The following CNTN4 variants were observed in gnomAD, a reference collection of about 807,000 sequenced individuals.
CNTN4 encodes the protein contactin 4, also known as contactin-4.
CNTN4 carries 77 observed loss-of-function variants against 122.5 expected under a neutral mutation model. The observed-to-expected ratio is 0.63, with a 90% CI of 0.52 to 0.76. CNTN4 has a LOEUF of 0.76. Ranked by LOEUF, CNTN4 falls within the 30% of genes least tolerant of loss-of-function variation. The probability of loss-of-function intolerance (pLI) is 0.00; values close to 1 mark genes in which losing one functional copy is unlikely to be tolerated. For synonymous variants in CNTN4, 512 were observed against 447.0 expected (o/e 1.15, Z -1.83); for missense variants, 1,256 against 1,259.1 (o/e 1.00, Z 0.04).
At chr3:2,873,731 G>A (rs1359461819) in intron 8 of CNTN4, among the ~76,000 whole-genome samples, 6 of 152,196 alleles carry the variant, frequency 3.9e-5, no homozygotes, top group African/African-American at 9.7e-5. Flanking sequence ...AATTAACCTA[G>A]TGGGTTTTTG....
intron 3 of CNTN4, among the ~76,000 whole-genome samples, chr3:2,483,467 A>G (rs2151603316): frequency 6.6e-6 from 1 of 152,250 alleles, no homozygotes; most frequent in East Asian, 1.9e-4. Context: ...GCTATTGGAA[A>G]GGTATGATTG....
chr3:2,878,449 T>C (rs2093870187), intron 8 of CNTN4, among the ~76,000 whole-genome samples: 1 of 152,160 alleles, frequency 6.6e-6, no homozygotes, highest in East Asian at 1.9e-4. Context: ...TCACATTTTT[T>C]CCCATATTAC....
intron 2 of CNTN4, among the ~76,000 whole-genome samples, chr3:2,175,845 G>C (rs2036725368): frequency 6.6e-6 from 1 of 152,112 alleles, no homozygotes; most frequent in South Asian, 2.1e-4. Context: ...CAGAGAGAGG[G>C]CAATGATATT....
chr3:2,610,131 A>G (rs1407056833), intron 4 of CNTN4, among the ~76,000 whole-genome samples: 4 of 152,136 alleles, frequency 2.6e-5, no homozygotes, highest in African/African-American at 7.2e-5. Context: ...CTCATTCCAT[A>G]TTGTCTATCA....
intron 4 of CNTN4, among the ~76,000 whole-genome samples, chr3:2,624,821 A>T (rs185867622): frequency 6.6e-6 from 1 of 151,444 alleles, no homozygotes; most frequent in Non-Finnish European, 1.5e-5. Flanking sequence ...TTTAGTAGAG[A>T]CAGGATTTCA....
At chr3:2,299,978 C>T (rs1035735311) in intron 2 of CNTN4, among the ~76,000 whole-genome samples, 7 of 152,056 alleles carry the variant, frequency 4.6e-5, no homozygotes, top group African/African-American at 1.7e-4. Context: ...ATTTAGCGTT[C>T]CACTAATGAC....
At chr3:3,041,789 CAA>C (rs1700186585) in intron 20 of CNTN4, among the ~76,000 whole-genome samples, 1 of 151,994 alleles carries the variant, frequency 6.6e-6, no homozygotes, top group African/African-American at 2.4e-5. Context: ...TAGCAAGATC[CAA>C]GTCTTTACAA....
At chr3:2,868,107 C>T (rs191005113) in intron 8 of CNTN4, among the ~76,000 whole-genome samples, 5 of 152,196 alleles carry the variant, frequency 3.3e-5, no homozygotes, top group Admixed American at 3.3e-4. Flanking sequence ...ATGACGAGAC[C>T]CATCACACAA....
intron 2 of CNTN4, among the ~76,000 whole-genome samples, chr3:2,123,416 A>T (rs927695856): frequency 1.3e-5 from 2 of 152,164 alleles, no homozygotes; most frequent in Admixed American, 6.5e-5. Flanking sequence ...TTTTTTATGC[A>T]TTAAACAGGT....
At chr3:2,533,446 C>G (rs1339744833) in intron 3 of CNTN4, among the ~76,000 whole-genome samples, 1 of 152,112 alleles carries the variant, frequency 6.6e-6, no homozygotes, top group Non-Finnish European at 1.5e-5. Context: ...ATCCATGTCC[C>G]TACAAAGGAC....
chr3:2,574,962 G>T (rs1265249597), intron 4 of CNTN4, among the ~76,000 whole-genome samples: 1 of 151,990 alleles, frequency 6.6e-6, no homozygotes, highest in Non-Finnish European at 1.5e-5. Flanking sequence ...AAAATGGTCT[G>T]CAGGCTAGAT....
intron 14 of CNTN4, among the ~76,000 whole-genome samples, chr3:3,004,955 C>A (rs1219950403): frequency 2.0e-5 from 3 of 152,112 alleles, no homozygotes; most frequent in African/African-American, 7.2e-5. Flanking sequence ...AGTTGAAGCT[C>A]CTTCTTTTAA....
At chr3:2,199,139 C>A (rs935163240) in intron 2 of CNTN4, among the ~76,000 whole-genome samples, 2 of 152,190 alleles carry the variant, frequency 1.3e-5, no homozygotes, top group Admixed American at 1.3e-4. Context: ...TTAATCCAGA[C>A]CTCCTAAAGG....
chr3:2,316,514 G>A (rs1010125302), intron 2 of CNTN4, among the ~76,000 whole-genome samples: 4 of 151,860 alleles, frequency 2.6e-5, no homozygotes, highest in Non-Finnish European at 5.9e-5. Flanking sequence ...AAGAATATTC[G>A]GGCAGTCTTT....
intron 3 of CNTN4, among the ~76,000 whole-genome samples, chr3:2,503,577 G>A (rs928222078): frequency 6.6e-6 from 1 of 152,120 alleles, no homozygotes; most frequent in Non-Finnish European, 1.5e-5. Flanking sequence ...GAGAAGTTAA[G>A]TAACTTGTTC....
At chr3:2,866,548 G>T in intron 7 of CNTN4, 1 of 1,276,196 alleles carries the variant, frequency 7.8e-7, no homozygotes, top group Non-Finnish European at 1.0e-6. Flanking sequence ...TACTTCTCTG[G>T]AAATAAAACC....
chr3:2,572,663 A>G (rs2079477466), intron 4 of CNTN4, among the ~76,000 whole-genome samples: 1 of 152,200 alleles, frequency 6.6e-6, no homozygotes, highest in Non-Finnish European at 1.5e-5. Context: ...TGAAGCAAAA[A>G]TGACTTTTGG....
In CNTN4 at chr3:2,700,502, C is replaced by G. The variant is rs78705624; in HGVS notation, c.56-35713C>G. Among the ~76,000 whole-genome samples, 31 of 152,314 alleles carry G rather than the reference C, an allele frequency of 2.0e-4. 1 individual carries two copies. In the East Asian group the frequency reaches 5.8e-3, roughly 28 times the overall value. On this transcript the variant is annotated intron_variant, in intron 4 of 24. Coordinates refer to ENST00000418658, the MANE Select transcript of CNTN4 (RefSeq NM_175607.3). ...TCTTAGACTAGAGGCTCTTTGACCT[C>G]TTCCTGGATTTATTCTGTTTCTCTT...
At chr3:3,034,031 G>A (rs1699395811) in intron 16 of CNTN4, among the ~76,000 whole-genome samples, 1 of 152,212 alleles carries the variant, frequency 6.6e-6, no homozygotes, top group African/African-American at 2.4e-5. Flanking sequence ...CATTTTCACA[G>A]CAGTTCCCTT....
Sources: gnomAD v4.1 joint callset for allele counts (sites outside exome capture counted in the v4.1 genomes callset) on GRCh38, gnomAD v4.1.1 for gene constraint, MANE v1.5 for transcripts, NCBI Gene and HGNC (gene_info 2026-07-23, HGNC 2026-07-21) for gene names.